PTPRG: variants seen among roughly 807,000 people sequenced by gnomAD.
The protein encoded by PTPRG is receptor-type tyrosine-protein phosphatase gamma.
In PTPRG, 102 loss-of-function variants were observed where a neutral mutation model predicts 165.3. That is an observed-to-expected ratio of 0.62 (90% CI 0.53 to 0.73). The LOEUF is 0.73. Among genes scored for constraint, PTPRG ranks in the 30% least tolerant of loss-of-function variants. The pLI is 0.00. For missense variants in PTPRG, 1,866 were observed against 1,861.4 expected, an observed-to-expected ratio of 1.00 and a Z score of -0.05; for synonymous variants, 675 against 669.5, an observed-to-expected ratio of 1.01 and a Z score of -0.13.
chr3:61,679,747 C>T (rs1003694627), intron 1 of PTPRG, among the ~76,000 whole-genome samples: 1 of 152,126 alleles, frequency 6.6e-6, no homozygotes, highest in Non-Finnish European at 1.5e-5. Flanking sequence ...TGCCGTTGCA[C>T]TGCAGCCTGG....
intron 2 of PTPRG, among the ~76,000 whole-genome samples, chr3:61,759,526 C>T (rs1383855895): frequency 2.0e-5 from 3 of 151,750 alleles, no homozygotes; most frequent in Non-Finnish European, 2.9e-5. Context: ...CATGGTAGCT[C>T]ACGCCTGTAA....
At chr3:61,816,270 C>G (rs1459246918) in intron 2 of PTPRG, among the ~76,000 whole-genome samples, 1 of 152,150 alleles carries the variant, frequency 6.6e-6, no homozygotes, top group African/African-American at 2.4e-5. Flanking sequence ...TGGCTCACAC[C>G]CATAATCCCA....
intron 1 of PTPRG, among the ~76,000 whole-genome samples, chr3:61,722,429 T>C (rs965732288): frequency 3.9e-5 from 6 of 152,214 alleles, no homozygotes; most frequent in Admixed American, 3.3e-4. Flanking sequence ...ATAGCAAAGT[T>C]TGCAGTTGAG....
intron 2 of PTPRG, among the ~76,000 whole-genome samples, chr3:61,980,955 A>G (rs921737880): frequency 2.0e-5 from 3 of 152,134 alleles, no homozygotes; most frequent in South Asian, 2.1e-4. Flanking sequence ...AATAGTACCA[A>G]CCTAAACCAG....
At chr3:62,036,044 C>CA (rs77250969) in intron 4 of PTPRG, among the ~76,000 whole-genome samples, 6,599 of 117,662 alleles carry the variant, frequency 0.056, 268 homozygotes, top group African/African-American at 0.13. Context: ...TGTCAGTGAC[C>CA]AAAAAAAAAA....
chr3:62,028,962 C>T (rs974596865), intron 4 of PTPRG, among the ~76,000 whole-genome samples: 5 of 152,170 alleles, frequency 3.3e-5, no homozygotes, highest in African/African-American at 1.2e-4. Flanking sequence ...GGAACGACAA[C>T]CTCATTGGTC....
Position 61,871,128 on chromosome 3 carries a change from A to ATGTTATGTTG in PTPRG, c.191-118493_191-118492insATGTTGTGTT, listed in dbSNP as rs1559660035. ...ATTCCCTGTTATGTTATGTTATGTT[A>ATGTTATGTTG]TGTTGTGTTGTGTTGTGTTGTGTTG... On this transcript the variant is annotated intron_variant, in intron 2 of 29. Coordinates refer to ENST00000474889, the MANE Select transcript of PTPRG (RefSeq NM_002841.4). Among the ~76,000 whole-genome samples the ATGTTATGTTG allele has an allele frequency of 2.6e-3, 316 of 122,876 alleles. 2 individuals are homozygous for ATGTTATGTTG. Among genetic ancestry groups the ATGTTATGTTG allele is most frequent in the African/African-American group, 4.0e-3 (126 of 31,546 alleles). The allele number at this position is 122,876 out of a possible 152,430, so 80.6% of individuals were successfully genotyped here. A position where few individuals can be genotyped will look rare whatever the true frequency, so the allele number is the denominator to read the frequency against.
chr3:61,676,901 CT>C (rs1703252599), intron 1 of PTPRG, among the ~76,000 whole-genome samples: 7 of 152,106 alleles, frequency 4.6e-5, no homozygotes, highest in African/African-American at 1.7e-4. Flanking sequence ...GGAGTATTAT[CT>C]GTCCTGTGAG....
rs1337002884 is a variant in PTPRG, at chr3:62,089,526, C to G, written c.615+11268C>G. On this transcript the variant is annotated intron_variant, in intron 5 of 29. Transcript: ENST00000474889. ...TTTATCCTTCCTGCCTTTTAACTTG[C>G]CATAGGTCAGAATCTCAATGTGATA... Among the ~76,000 whole-genome samples the G allele has an allele frequency of 5.3e-5, 8 of 152,118 alleles. No homozygotes were observed. In the East Asian group the frequency reaches 9.6e-4, roughly 18 times the overall value.
intron 1 of PTPRG, among the ~76,000 whole-genome samples, chr3:61,634,404 ATTT>A (rs1180236130): frequency 1.3e-5 from 2 of 151,634 alleles, no homozygotes; most frequent in African/African-American, 4.9e-5. Context: ...CGCCCGGCTA[ATTT>A]TTTTGTATTT....
intron 5 of PTPRG, among the ~76,000 whole-genome samples, chr3:62,102,638 T>C (rs892615343): frequency 1.3e-5 from 2 of 152,286 alleles, no homozygotes. Context: ...ATTTCTATAA[T>C]ACTGGTTGCT....
Position 61,755,402 on chromosome 3 carries a change from G to C in PTPRG, c.190+6420G>C, listed in dbSNP as rs143213331. Among the ~76,000 whole-genome samples, 179 of 152,308 alleles carry C rather than the reference G, an allele frequency of 1.2e-3. 1 individual carries two copies. Among genetic ancestry groups the C allele is most frequent in the African/African-American group, 3.9e-3 (163 of 41,572 alleles). On this transcript the variant is annotated intron_variant, in intron 2 of 29. Coordinates refer to ENST00000474889, the MANE Select transcript of PTPRG (RefSeq NM_002841.4). ...ATGTCTCAGCTCAAAGGCTCCCTGT[G>C]CCTTGGTGCTTAGCCTGACCCATTT... is the stretch of plus-strand genomic sequence containing the variant.
intron 4 of PTPRG, among the ~76,000 whole-genome samples, chr3:62,011,740 C>G (rs2041426808): frequency 6.6e-6 from 1 of 152,112 alleles, no homozygotes; most frequent in African/African-American, 2.4e-5. Context: ...GAAGTTAATG[C>G]CTGGTTGTGC....
At chr3:61,713,736 C>T (rs1054618242) in intron 1 of PTPRG, among the ~76,000 whole-genome samples, 21 of 152,248 alleles carry the variant, frequency 1.4e-4, no homozygotes, top group South Asian at 4.1e-4. Context: ...TGGCAGGCAG[C>T]GTGTCCCAAT....
chr3:61,939,159 T>A (rs1471355982), intron 2 of PTPRG, among the ~76,000 whole-genome samples: 1 of 152,174 alleles, frequency 6.6e-6, no homozygotes, highest in Non-Finnish European at 1.5e-5. Flanking sequence ...TTGTAGTGTG[T>A]TTAGGAGCAG....
At chr3:62,113,722 C>T (rs1702753242) in intron 5 of PTPRG, among the ~76,000 whole-genome samples, 1 of 152,110 alleles carries the variant, frequency 6.6e-6, no homozygotes, top group Admixed American at 6.5e-5. Flanking sequence ...AAAACACTTA[C>T]AAATATGTTA....
chr3:61,790,977 T>C (rs2034851920), intron 2 of PTPRG, among the ~76,000 whole-genome samples: 4 of 152,190 alleles, frequency 2.6e-5, no homozygotes, highest in Admixed American at 2.6e-4. Context: ...TAAAATGAAT[T>C]ATCAGTCAGC....
chr3:62,046,908 G>C (rs145340819), intron 4 of PTPRG, among the ~76,000 whole-genome samples: 10 of 152,278 alleles, frequency 6.6e-5, no homozygotes, highest in African/African-American at 2.2e-4. Context: ...CAGGATGCAA[G>C]ACTGTGCACT....
intron 2 of PTPRG, among the ~76,000 whole-genome samples, chr3:61,846,694 C>T (rs1178086118): frequency 6.6e-6 from 1 of 152,158 alleles, no homozygotes; most frequent in Non-Finnish European, 1.5e-5. Context: ...GTAGACAGAT[C>T]ACTTGAGCCC....
Sources: gnomAD v4.1 joint callset for allele counts (sites outside exome capture counted in the v4.1 genomes callset) on GRCh38, gnomAD v4.1.1 for gene constraint, MANE v1.5 for transcripts, NCBI Gene and HGNC (gene_info 2026-07-23, HGNC 2026-07-21) for gene names.